CFAP299: variants seen among roughly 807,000 people sequenced by gnomAD.
The protein encoded by CFAP299 is cilia and flagella associated protein 299, also known as cilia- and flagella-associated protein 299.
A neutral mutation model predicts 27.0 loss-of-function variants in CFAP299; 21 were observed. The observed-to-expected ratio is 0.78, with a 90% CI of 0.55 to 1.12. CFAP299 has a LOEUF of 1.12. Ranked by LOEUF, CFAP299 falls within the 50% of genes most tolerant of loss-of-function variation. The probability of loss-of-function intolerance (pLI) is 0.00; values close to 1 mark genes in which losing one functional copy is unlikely to be tolerated. For synonymous variants in CFAP299, 104 were observed against 98.1 expected (o/e 1.06, Z -0.36); for missense variants, 310 against 276.6 (o/e 1.12, Z -0.86).
intron 2 of CFAP299, among the ~76,000 whole-genome samples, chr4:80,389,683 G>A (rs1212243871): frequency 6.6e-6 from 1 of 152,086 alleles, no homozygotes; most frequent in African/African-American, 2.4e-5. Flanking sequence ...TACCACATTG[G>A]CTAACCGAGT....
chr4:80,374,503 G>A (rs1724308854), intron 2 of CFAP299, among the ~76,000 whole-genome samples: 1 of 152,124 alleles, frequency 6.6e-6, no homozygotes, highest in Non-Finnish European at 1.5e-5. Flanking sequence ...TTACTGAAGA[G>A]CAGTGGGCTA....
At chr4:80,889,567 C>T (rs1280717191) in intron 4 of CFAP299, among the ~76,000 whole-genome samples, 1 of 151,966 alleles carries the variant, frequency 6.6e-6, no homozygotes, top group Non-Finnish European at 1.5e-5. Context: ...TACTACCAAT[C>T]CTGTTCAAAC....
At chr4:80,895,563 A>C (rs1158547022) in intron 4 of CFAP299, among the ~76,000 whole-genome samples, 1 of 152,040 alleles carries the variant, frequency 6.6e-6, no homozygotes, top group Non-Finnish European at 1.5e-5. Flanking sequence ...GAAAATATAT[A>C]TATAATTTGA....
At chr4:80,543,158 C>T (rs1161665107) in intron 2 of CFAP299, among the ~76,000 whole-genome samples, 2 of 152,124 alleles carry the variant, frequency 1.3e-5, no homozygotes, top group Non-Finnish European at 2.9e-5. Flanking sequence ...GCAACTGGCA[C>T]CACAGTCAAA....
intron 2 of CFAP299, among the ~76,000 whole-genome samples, chr4:80,470,441 C>A (rs1315147295): frequency 6.9e-6 from 1 of 145,164 alleles, no homozygotes; most frequent in Non-Finnish European, 1.5e-5. Context: ...TTCATGTTGT[C>A]ATTACAAACA....
intron 3 of CFAP299, among the ~76,000 whole-genome samples, chr4:80,806,166 A>G (rs1728856628): frequency 6.6e-6 from 1 of 152,202 alleles, no homozygotes; most frequent in Non-Finnish European, 1.5e-5. Flanking sequence ...AAAATGGAGA[A>G]TTATGTGCTA....
chr4:80,736,669 G>A (rs1723900014), intron 3 of CFAP299, among the ~76,000 whole-genome samples: 1 of 152,184 alleles, frequency 6.6e-6, no homozygotes. Context: ...AACAGCAGGT[G>A]CTGGAGAGGA....
At chr4:80,646,242 A>G (rs1740004109) in intron 3 of CFAP299, among the ~76,000 whole-genome samples, 1 of 152,156 alleles carries the variant, frequency 6.6e-6, no homozygotes, top group Non-Finnish European at 1.5e-5. Flanking sequence ...CCTTCGTCCC[A>G]TGCAATATTT....
chr4:80,948,925 T>C (rs536636115), intron 5 of CFAP299, among the ~76,000 whole-genome samples: 20 of 152,218 alleles, frequency 1.3e-4, no homozygotes, highest in Admixed American at 1.2e-3. Flanking sequence ...CAGAAATGGG[T>C]ATAGTCATTT....
intron 2 of CFAP299, among the ~76,000 whole-genome samples, chr4:80,390,611 A>C (rs1486387369): frequency 1.3e-5 from 1 of 74,216 alleles, no homozygotes; most frequent in Non-Finnish European, 2.4e-5. Context: ...GTATACACAC[A>C]TATGTATATA....
chr4:80,483,970 G>A (rs965648084), intron 2 of CFAP299, among the ~76,000 whole-genome samples: 1 of 152,086 alleles, frequency 6.6e-6, no homozygotes, highest in East Asian at 1.9e-4. Context: ...TAGGTACAAG[G>A]CATACTTGAA....
At chr4:80,755,893 T>G (rs1578094339) in intron 3 of CFAP299, among the ~76,000 whole-genome samples, 1 of 152,100 alleles carries the variant, frequency 6.6e-6, no homozygotes, top group East Asian at 1.9e-4. Context: ...TGCCCTGAGT[T>G]TTGATCATAA....
At chr4:80,467,195 GA>G (rs1223301780) in intron 2 of CFAP299, among the ~76,000 whole-genome samples, 1 of 152,190 alleles carries the variant, frequency 6.6e-6, no homozygotes, top group Non-Finnish European at 1.5e-5. Flanking sequence ...CTAGCAGCTT[GA>G]AATTGGTCAA....
chr4:80,896,123 G>A (rs1406776389), intron 4 of CFAP299, among the ~76,000 whole-genome samples: 3 of 152,036 alleles, frequency 2.0e-5, no homozygotes, highest in East Asian at 1.9e-4. Context: ...ATACAAAATA[G>A]TACATGCTCT....
At chr4:80,404,807 G>A (rs1346156178) in intron 2 of CFAP299, among the ~76,000 whole-genome samples, 3 of 152,096 alleles carry the variant, frequency 2.0e-5, no homozygotes, top group African/African-American at 7.2e-5. Context: ...CTGTTAGTGG[G>A]ATTGCTGTAT....
chr4:80,518,984 C>A (rs2110172280), intron 2 of CFAP299, among the ~76,000 whole-genome samples: 1 of 152,188 alleles, frequency 6.6e-6, no homozygotes, highest in African/African-American at 2.4e-5. Flanking sequence ...AATAGAGCAA[C>A]AAGATATGTG....
intron 2 of CFAP299, among the ~76,000 whole-genome samples, chr4:80,537,675 A>C (rs755578358): frequency 7.9e-5 from 12 of 152,094 alleles, no homozygotes; most frequent in African/African-American, 2.9e-4. Context: ...GTTGCTGGAC[A>C]CTGAGGTGGG....
chr4:80,954,996 T>A (rs1475927871), intron 5 of CFAP299, among the ~76,000 whole-genome samples: 6 of 48,120 alleles, frequency 1.2e-4, no homozygotes, highest in African/African-American at 4.6e-4. Flanking sequence ...CAAGACTCCA[T>A]CAAAAAAAAA....
rs115151884 is a variant in CFAP299, at chr4:80,360,343, C to T, written c.112-2411C>T. ...CCCCTCCTGAAGACTGTGCTGGAGG[C>T]GGTATTGGCTTGAGGAAGGTATGCT... On this transcript the variant is annotated intron_variant, in intron 1 of 5. Transcript: ENST00000358105. 3.4e-3 allele frequency among the ~76,000 whole-genome samples: 514 copies of T among 152,134 alleles called. 4 individuals carry two copies. Among genetic ancestry groups the T allele is most frequent in the African/African-American group, 8.8e-3 (367 of 41,510 alleles).
Sources: gnomAD v4.1 joint callset for allele counts (sites outside exome capture counted in the v4.1 genomes callset) on GRCh38, gnomAD v4.1.1 for gene constraint, MANE v1.5 for transcripts, NCBI Gene and HGNC (gene_info 2026-07-23, HGNC 2026-07-21) for gene names.